Variants in SLC17A9 observed in about 807,000 individuals in gnomAD.
SLC17A9 encodes voltage-gated purine nucleotide uniporter SLC17A9.
A neutral mutation model predicts 55.0 loss-of-function variants in SLC17A9; 49 were observed. The observed-to-expected ratio is 0.89, with a 90% CI of 0.71 to 1.13. SLC17A9 has a LOEUF of 1.13. Among genes scored for constraint, SLC17A9 ranks in the 50% most tolerant of loss-of-function variants. The pLI is 0.00. For missense variants in SLC17A9, 526 were observed against 569.3 expected, an observed-to-expected ratio of 0.92 and a Z score of 0.77; for synonymous variants, 256 against 247.4, an observed-to-expected ratio of 1.03 and a Z score of -0.32.
intron 1 of SLC17A9, chr20:62,953,396 G>A (rs549326689): frequency 8.3e-7 from 1 of 1,204,306 alleles, no homozygotes; most frequent in East Asian, 2.6e-5. Context: ...TTGGTGGTGG[G>A]GAGAAGCAGG....
chr20:62,957,081 T>C, intron 2 of SLC17A9, 119 bp downstream of exon 2: 2 of 1,373,384 alleles, frequency 1.5e-6, no homozygotes, highest in Non-Finnish European at 2.0e-6. Context: ...GGAAGGAGCT[T>C]GGTGGACACA....
At chr20:62,964,944 T>G in intron 8 of SLC17A9, 188 bp from the exon 9 acceptor site, 1 of 618,962 alleles carries the variant, frequency 1.6e-6, no homozygotes. Flanking sequence ...AAGGCGCACA[T>G]GCGGCCTCGC....
At chr20:62,966,857 C>T (rs2065645470) in intron 12 of SLC17A9, 125 bp downstream of exon 12, 1 of 1,244,468 alleles carries the variant, frequency 8.0e-7, no homozygotes, top group South Asian at 1.4e-5. Context: ...GGGCACAGAC[C>T]CCAGAGCAGG....
At chr20:62,953,270 C>T in intron 1 of SLC17A9, 1 of 1,549,746 alleles carries the variant, frequency 6.5e-7, no homozygotes, top group Non-Finnish European at 8.7e-7. Context: ...GTCAGGAGGC[C>T]AGGTAGGGGG....
intron 11 of SLC17A9, 27 bp downstream of exon 11, chr20:62,966,607 T>C: frequency 6.2e-7 from 1 of 1,613,828 alleles, no homozygotes; most frequent in Admixed American, 1.7e-5. Context: ...ACCCCAGCTT[T>C]GCCCCTCCCT....
rs146221932 is a variant in SLC17A9 at position 62,958,251 on chromosome 20, G to T, written c.397+671G>T. Among the ~76,000 whole-genome samples, 37 of 152,274 alleles carry T rather than the reference G, an allele frequency of 2.4e-4. No individual in the cohort carries two copies. The highest frequency in any genetic ancestry group is 8.9e-4 in the African/African-American group (37 of 41,548). ...CAGGGGGCACCTGTGTAGTGAACTT[G>T]CCCCTGCCCCTGAATTTTGTCACCA... On this transcript the variant is annotated intron_variant, in intron 3 of 12. Coordinates refer to ENST00000370351, the MANE Select transcript of SLC17A9 (RefSeq NM_022082.4). The surrounding 1 kb of genome is among the most constrained non-coding windows in gnomAD (Gnocchi z 4.1).
intron 4 of SLC17A9, among the ~76,000 whole-genome samples, chr20:62,961,443 T>C (rs1381554814): frequency 7.9e-5 from 12 of 152,132 alleles, no homozygotes; most frequent in Admixed American, 6.5e-4. Context: ...CGCCCGCTCC[T>C]TGGGGAGCTC....
intron 1 of SLC17A9, among the ~76,000 whole-genome samples, chr20:62,954,263 C>T (rs536463793): frequency 1.4e-4 from 21 of 152,344 alleles, no homozygotes; most frequent in Non-Finnish European, 2.8e-4. Flanking sequence ...GGCTGCCACA[C>T]GCACGCCTTT....
chr20:62,962,824 C>T lies in SLC17A9; in HGVS notation c.628+70C>T, dbSNP rs975330376. On this transcript the variant is annotated intron_variant, in intron 5 of 12. Coordinates refer to ENST00000370351, the MANE Select transcript of SLC17A9 (RefSeq NM_022082.4). This position sits in a 1 kb window ranked among gnomAD's most constrained non-coding sequence, Gnocchi z 5.5. ...CAGTGCCTCCTCCCCTGGTGGCAGC[C>T]GCTGAGCAGCCTGGAGCAGGAGCCC... 3.0e-5 allele frequency: 48 copies of T among 1,583,134 alleles called. No individual in the cohort carries two copies. The highest frequency in any genetic ancestry group is 3.8e-5 in the Non-Finnish European group (44 of 1,161,804).
chr20:62,953,343 G>A, intron 1 of SLC17A9: 7 of 1,503,832 alleles, frequency 4.7e-6, no homozygotes, highest in Non-Finnish European at 6.3e-6. Flanking sequence ...TGCCAGCTGT[G>A]TGCTGAGGAC....
rs1425520054 is a variant in SLC17A9 at position 62,957,503 on chromosome 20, C to G, written c.320C>G (p.Thr107Ser). The stretch of plus-strand genomic sequence containing the variant: ...GCCTGGGGCTCCATCACGGCCGTCA[C>G]CCCACTGCTCGCCCACCTGAGCAGT... ...ASAWGSITAV[T>S]PLLAHLSSAH... The change falls in exon 3 of 13, where the codon ACC becomes AGC. Residue 107 changes from threonine (T) to serine (S), a missense_variant. Thr to Ser is a moderately conservative substitution (Grantham distance 58, BLOSUM62 1). Coordinates refer to ENST00000370351, the MANE Select transcript of SLC17A9 (RefSeq NM_022082.4). 6.2e-7 allele frequency: 1 copy of G among 1,610,208 alleles called. No homozygotes were observed. Among genetic ancestry groups the G allele is most frequent in the Non-Finnish European group, 8.5e-7 (1 of 1,178,852 alleles).
rs1026103085 is a variant in SLC17A9 at position 62,958,226 on chromosome 20, CAG to C, written c.397+647_397+648del. On this transcript the variant is annotated intron_variant, in intron 3 of 12. Transcript: ENST00000370351. The surrounding 1 kb of genome is among the most constrained non-coding windows in gnomAD (Gnocchi z 4.1). The stretch of plus-strand genomic sequence containing the variant: ...CACTCTGCAGTGATACACAGGATCA[CAG>C]GGGGCACCTGTGTAGTGAACTTGCC... Among the ~76,000 whole-genome samples, 1 of 152,152 alleles carries C rather than the reference CAG, an allele frequency of 6.6e-6. No homozygotes were observed. The highest frequency in any genetic ancestry group is 2.4e-5 in the African/African-American group (1 of 41,426).
Position 62,958,410 on chromosome 20 carries a change from A to G in SLC17A9, c.397+830A>G, listed in dbSNP as rs771852125. ...CTTGGAGCGCCTTAACTGTCAGGAG[A>G]ACAAGGTGGGTGGGGGGGCCAAGGG... On this transcript the variant is annotated intron_variant, in intron 3 of 12. Coordinates refer to ENST00000370351, the MANE Select transcript of SLC17A9 (RefSeq NM_022082.4). The surrounding 1 kb of genome is among the most constrained non-coding windows in gnomAD (Gnocchi z 4.1). Among the ~76,000 whole-genome samples, 7 of 151,978 alleles carry G rather than the reference A, an allele frequency of 4.6e-5. No individual in the cohort carries two copies. The highest frequency in any genetic ancestry group is 8.8e-5 in the Non-Finnish European group (6 of 67,964).
intron 3 of SLC17A9, among the ~76,000 whole-genome samples, chr20:62,959,247 C>T (rs1389754426): frequency 1.3e-5 from 2 of 152,176 alleles, no homozygotes; most frequent in African/African-American, 4.8e-5. Context: ...CGGCTGTCCT[C>T]GTGGGCAGCT....
Position 62,957,556 on chromosome 20 carries a change from C to A in SLC17A9, c.373C>A (p.Arg125Ser). The stretch of plus-strand genomic sequence containing the variant: ...CCACCTGGCCTTCATGACCTTCTCA[C>A]GCATCCTCATGGGCTTGCTCCAAGG... ...SAHLAFMTFS[R>S]ILMGLLQGVY... The change falls in exon 3 of 13, where the codon CGC becomes AGC. Residue 125 changes from arginine to serine, a missense_variant. By Grantham distance (110) the Arg-to-Ser change is moderately radical (BLOSUM62 -1). Transcript: ENST00000370351. The A allele has an allele frequency of 6.3e-7, 1 of 1,587,046 alleles. No homozygotes were observed. Among genetic ancestry groups the A allele is most frequent in the Non-Finnish European group, 8.6e-7 (1 of 1,168,350 alleles).
At chr20:62,957,226 G>A (rs1330580525) in intron 2 of SLC17A9, 1 of 985,256 alleles carries the variant, frequency 1.0e-6, no homozygotes, top group Admixed American at 6.1e-5. Flanking sequence ...GGCCAGGCTT[G>A]GCAAGGCCCC....
chr20:62,963,458 G>A (rs550867308), intron 6 of SLC17A9, 89 bp downstream of exon 6: 977 of 1,513,470 alleles, frequency 6.5e-4, no homozygotes, highest in Non-Finnish European at 7.9e-4. Flanking sequence ...CAGCCCTTGA[G>A]CCAGCAGGGC....
In SLC17A9 at chr20:62,967,330, T is replaced by C; in HGVS notation, c.1148-7T>C. Reference sequence around the variant, plus strand: ...GCACTCAGCCCGCCTGGCCCTCTCTTGGGCAGGTGTCGTGGGTGTGTGTCT... The same window carrying C: ...GCACTCAGCCCGCCTGGCCCTCTCTCGGGCAGGTGTCGTGGGTGTGTGTCT... On this transcript the variant is annotated splice_region_variant and splice_polypyrimidine_tract_variant and intron_variant, in intron 12 of 12. Transcript: ENST00000370351. The C allele has an allele frequency of 6.2e-7, 1 of 1,613,698 alleles. No individual in the cohort carries two copies. The highest frequency in any genetic ancestry group is 8.5e-7 in the Non-Finnish European group (1 of 1,179,808).
Position 62,966,594 on chromosome 20 carries a change from C to T in SLC17A9, c.1117+14C>T, listed in dbSNP as rs2065641883. On this transcript the variant is annotated intron_variant, in intron 11 of 12. Coordinates refer to ENST00000370351, the MANE Select transcript of SLC17A9 (RefSeq NM_022082.4). ...GCTTTCTGTTTGGTGAGGACCTTGC[C>T]TTACCCCAGCTTTGCCCCTCCCTGG... is the stretch of plus-strand genomic sequence containing the variant. 6.2e-7 allele frequency: 1 copy of T among 1,613,724 alleles called. No homozygotes were observed. Among genetic ancestry groups the T allele is most frequent in the Non-Finnish European group, 8.5e-7 (1 of 1,179,884 alleles).
Sources: allele counts gnomAD v4.1 joint callset (sites outside exome capture counted in the v4.1 genomes callset), GRCh38; gene constraint gnomAD v4.1.1; non-coding constraint Gnocchi (gnomAD v3.1); transcripts MANE v1.5; gene names NCBI Gene and HGNC (gene_info 2026-07-23, HGNC 2026-07-21).